The following FOXN3 variants were observed in gnomAD, a reference collection of about 807,000 sequenced individuals.
The protein encoded by FOXN3 is forkhead box N3, also known as forkhead box protein N3.
FOXN3 carries 7 observed loss-of-function variants against 38.4 expected under a neutral mutation model. The ratio of observed to expected loss-of-function variants is 0.18; its 90% confidence interval spans 0.10 to 0.34. The LOEUF (loss-of-function observed/expected upper bound fraction) is 0.34, where lower values mean the gene tolerates loss of function less well. Ranked by LOEUF, FOXN3 falls within the 10% of genes least tolerant of loss-of-function variation. FOXN3 has a pLI of 1.00. For synonymous variants in FOXN3, 230 were observed against 242.2 expected, an observed-to-expected ratio of 0.95 and a Z score of 0.47; for missense variants, 456 against 613.4, an observed-to-expected ratio of 0.74 and a Z score of 2.71.
In FOXN3 at chr14:89,157,384, C is replaced by T. The variant is rs532530915; in HGVS notation, c.*5030G>A. 4 of 152,600 alleles carry T rather than the reference C, an allele frequency of 2.6e-5. No individual in the cohort carries two copies. The highest frequency in any genetic ancestry group is 4.4e-5 in the Non-Finnish European group (3 of 68,040). 9.5% of individuals were successfully genotyped at this position (152,600 alleles called of 1,614,324 possible). ...ATTCATGATAAAGCAACCGAGCTGA[C>T]GAGTCTGTGCTTAATTCAAGAATAA... On this transcript the variant is annotated 3_prime_UTR_variant, in exon 6 of 6. Coordinates refer to ENST00000557258, the MANE Select transcript of FOXN3 (RefSeq NM_005197.4).
chr14:89,482,324 G>A (rs1025057662), intron 1 of FOXN3, among the ~76,000 whole-genome samples: 1 of 152,210 alleles, frequency 6.6e-6, no homozygotes, highest in Non-Finnish European at 1.5e-5. Flanking sequence ...CTTAAGCACT[G>A]AAGAGTGTGT....
chr14:89,255,995 G>T (rs2139885488), intron 4 of FOXN3, among the ~76,000 whole-genome samples: 1 of 152,282 alleles, frequency 6.6e-6, no homozygotes, highest in Middle Eastern at 3.4e-3. Context: ...GAGGCTCACA[G>T]TAAGTCTAGA....
chr14:89,175,659 T>C (rs565947366), intron 5 of FOXN3, among the ~76,000 whole-genome samples: 3 of 152,208 alleles, frequency 2.0e-5, no homozygotes, highest in Non-Finnish European at 4.4e-5. Context: ...CTGCAGGAGA[T>C]GGACCGAGGA....
At chr14:89,460,650 A>G (rs1892827509) in intron 1 of FOXN3, among the ~76,000 whole-genome samples, 1 of 138,348 alleles carries the variant, frequency 7.2e-6, no homozygotes, top group Non-Finnish European at 1.7e-5. Context: ...GTTATCAATC[A>G]ATCAATCAAT....
At chr14:89,290,553 T>G in intron 3 of FOXN3, 1 of 557,232 alleles carries the variant, frequency 1.8e-6, no homozygotes, top group Admixed American at 2.0e-5. Context: ...ATTGAAAATG[T>G]AAGCCACTTG....
At chr14:89,364,934 T>C (rs1414204955) in intron 2 of FOXN3, among the ~76,000 whole-genome samples, 1 of 152,358 alleles carries the variant, frequency 6.6e-6, no homozygotes, top group East Asian at 1.9e-4. Context: ...TGTGTGCTTA[T>C]GCGTGTTTGA....
intron 1 of FOXN3, among the ~76,000 whole-genome samples, chr14:89,578,466 C>A (rs964847207): frequency 5.3e-5 from 8 of 152,158 alleles, no homozygotes; most frequent in Admixed American, 1.3e-4. Flanking sequence ...TGACTCTCCC[C>A]CTGAGCTCCA....
At chr14:89,400,057 C>T (rs531035181) in intron 2 of FOXN3, 1 of 152,240 alleles carries the variant, frequency 6.6e-6, no homozygotes, top group South Asian at 2.1e-4. Flanking sequence ...ATGCGGCTGC[C>T]CCAAGCACAT....
At chr14:89,376,630 C>T (rs748762593) in intron 2 of FOXN3, among the ~76,000 whole-genome samples, 4 of 152,098 alleles carry the variant, frequency 2.6e-5, no homozygotes, top group African/African-American at 4.8e-5. Flanking sequence ...CACCCTTGGC[C>T]GCTGATCAGA....
chr14:89,464,748 G>C (rs767588616), intron 1 of FOXN3, among the ~76,000 whole-genome samples: 1 of 152,068 alleles, frequency 6.6e-6, no homozygotes, highest in Admixed American at 6.6e-5. Context: ...GCCAAGCTGG[G>C]GTACAATGGC....
intron 3 of FOXN3, among the ~76,000 whole-genome samples, chr14:89,312,178 G>A (rs1382812044): frequency 4.0e-5 from 6 of 149,462 alleles, no homozygotes; most frequent in South Asian, 2.1e-4. Flanking sequence ...CCAGCTACTC[G>A]GGAGGCTGAG....
intron 1 of FOXN3, among the ~76,000 whole-genome samples, chr14:89,600,669 T>G (rs934426152): frequency 1.1e-4 from 17 of 152,362 alleles, no homozygotes; most frequent in African/African-American, 4.1e-4. Context: ...TTACTCATTG[T>G]GGGAAGAGAC....
intron 3 of FOXN3, among the ~76,000 whole-genome samples, chr14:89,344,366 T>G (rs1888706591): frequency 6.6e-6 from 1 of 151,938 alleles, no homozygotes; most frequent in Non-Finnish European, 1.5e-5. Flanking sequence ...ATGCTGGGAT[T>G]TCTTTGGAAT....
chr14:89,381,532 C>CCAA lies in FOXN3; in HGVS notation c.543+30401_543+30402insTTG, dbSNP rs1491416811. 6.6e-5 allele frequency among the ~76,000 whole-genome samples: 5 copies of CCAA among 75,938 alleles called. No homozygotes were observed. In the East Asian group the frequency reaches 1.6e-3, roughly 24 times the overall value. The allele number at this position is 75,938 out of a possible 152,430, so 49.8% of individuals were successfully genotyped here. A position where few individuals can be genotyped will look rare whatever the true frequency, so the allele number is the denominator to read the frequency against. The stretch of plus-strand genomic sequence containing the variant: ...GCAGCCCAAAAAAAGCCTCAAAAAG[C>CCAA]AAAAAAAAAAAAAAAAAAAAAAGGT... On this transcript the variant is annotated intron_variant, in intron 2 of 5. Transcript: ENST00000557258.
chr14:89,522,905 A>T (rs550480615), intron 1 of FOXN3, among the ~76,000 whole-genome samples: 1 of 152,096 alleles, frequency 6.6e-6, no homozygotes, highest in South Asian at 2.1e-4. Flanking sequence ...TACCCCAATT[A>T]AAAACACAGA....
At chr14:89,363,947 A>AATATATATATATATAT (rs67802765) in intron 2 of FOXN3, among the ~76,000 whole-genome samples, 90 of 111,308 alleles carry the variant, frequency 8.1e-4, no homozygotes, top group African/African-American at 2.2e-3. Flanking sequence ...CTGTCTGTAA[A>AATATATATATATATAT]ATATATATAT....
At chr14:89,451,429 C>T (rs975329405) in intron 1 of FOXN3, among the ~76,000 whole-genome samples, 5 of 152,232 alleles carry the variant, frequency 3.3e-5, no homozygotes, top group Admixed American at 1.3e-4. Context: ...TACCTGCCTA[C>T]GGCCCGTCGG....
chr14:89,343,536 C>T (rs949924257), intron 3 of FOXN3, among the ~76,000 whole-genome samples: 1 of 149,924 alleles, frequency 6.7e-6, no homozygotes, highest in African/African-American at 2.4e-5. Context: ...GATAATAGAA[C>T]TTGCTGAGTC....
chr14:89,418,560 G>A (rs1891821773), upstream of FOXN3, among the ~76,000 whole-genome samples: 1 of 151,388 alleles, frequency 6.6e-6, no homozygotes, highest in Non-Finnish European at 1.5e-5. Flanking sequence ...GAGACAATTA[G>A]GAGGTGGAAG....
Sources: allele counts gnomAD v4.1 joint callset (sites outside exome capture counted in the v4.1 genomes callset), GRCh38; gene constraint gnomAD v4.1.1; transcripts MANE v1.5; gene names NCBI Gene and HGNC (gene_info 2026-07-23, HGNC 2026-07-21).